The following LHX5 variants were observed in gnomAD, a reference collection of about 807,000 sequenced individuals.
LHX5 encodes the protein LIM/homeobox protein Lhx5.
A neutral mutation model predicts 30.6 loss-of-function variants in LHX5; 5 were observed. The observed-to-expected ratio is 0.16, with a 90% CI of 0.09 to 0.34. The LOEUF is 0.34. Ranked by LOEUF, LHX5 falls within the 10% of genes least tolerant of loss-of-function variation. LHX5 has a pLI of 1.00. For missense variants in LHX5, 458 were observed against 570.6 expected, an observed-to-expected ratio of 0.80 and a Z score of 2.01; for synonymous variants, 266 against 252.6, an observed-to-expected ratio of 1.05 and a Z score of -0.50.
In LHX5 at chr12:113,464,864, T is replaced by C. The variant is rs1958202885; in HGVS notation, c.842-1307A>G. ...CCTCAACAAATCTGTATCAACTCTC[T>C]GACCGCCCCACATAGCCCCTTTTCC... On this transcript the variant is annotated intron_variant, in intron 4 of 4. Coordinates refer to ENST00000261731, the MANE Select transcript of LHX5 (RefSeq NM_022363.3). This position sits in a 1 kb window ranked among gnomAD's most constrained non-coding sequence, Gnocchi z 6.2. Among the ~76,000 whole-genome samples, 1 of 152,160 alleles carries C rather than the reference T, an allele frequency of 6.6e-6. No individual in the cohort carries two copies. Among genetic ancestry groups the C allele is most frequent in the African/African-American group, 2.4e-5 (1 of 41,438 alleles).
At position 113,463,165 on chromosome 12, in the gene LHX5, G is replaced by T; in HGVS notation, c.*25C>A. 6.8e-7 allele frequency: 1 copy of T among 1,478,082 alleles called. No homozygotes were observed. 91.6% of individuals were successfully genotyped at this position (1,478,082 alleles called of 1,614,324 possible). A position where few individuals can be genotyped will look rare whatever the true frequency, so the allele number is the denominator to read the frequency against. On this transcript the variant is annotated 3_prime_UTR_variant, in exon 5 of 5. Coordinates refer to ENST00000261731, the MANE Select transcript of LHX5 (RefSeq NM_022363.3). The surrounding 1 kb of genome is among the most constrained non-coding windows in gnomAD (Gnocchi z 6.7). ...CTTCGGGGCGGGGCCCCCGGGGGCC[G>T]AGCGCGGGGGGCGGCCCGGCGGCCT...
rs544454889 is a variant in LHX5 at position 113,467,199 on chromosome 12, C to T, written c.841+57G>A. ...AAAGCGTGCTGGCCGGGACCCTTCG[C>T]CCTCAGCTCCCGGAATAGGACAGGT... On this transcript the variant is annotated intron_variant, in intron 4 of 4. Transcript: ENST00000261731. The surrounding 1 kb of genome is among the most constrained non-coding windows in gnomAD (Gnocchi z 6.3). 41 of 1,378,874 alleles carry T rather than the reference C, an allele frequency of 3.0e-5. No individual in the cohort carries two copies. In the South Asian group the frequency reaches 3.4e-4, roughly 11 times the overall value. 85.4% of individuals were successfully genotyped at this position (1,378,874 alleles called of 1,614,324 possible).
In LHX5 at chr12:113,467,202, T is replaced by G. The variant is rs910778312; in HGVS notation, c.841+54A>C. 7.2e-6 allele frequency: 10 copies of G among 1,382,346 alleles called. No individual in the cohort carries two copies. In the African/African-American group the frequency reaches 1.5e-4, roughly 20 times the overall value. The allele number at this position is 1,382,346 out of a possible 1,614,324, so 85.6% of individuals were successfully genotyped here. A position where few individuals can be genotyped will look rare whatever the true frequency, so the allele number is the denominator to read the frequency against. The stretch of plus-strand genomic sequence containing the variant: ...GCGTGCTGGCCGGGACCCTTCGCCC[T>G]CAGCTCCCGGAATAGGACAGGTGCG... On this transcript the variant is annotated intron_variant, in intron 4 of 4. Transcript: ENST00000261731. This position sits in a 1 kb window ranked among gnomAD's most constrained non-coding sequence, Gnocchi z 6.3.
In LHX5 at chr12:113,468,413, G is replaced by A. The variant is rs755915910; in HGVS notation, c.398-9C>T. On this transcript the variant is annotated splice_polypyrimidine_tract_variant and intron_variant, in intron 2 of 4. Transcript: ENST00000261731. ...GTCCGTACAGGATGACACTGCGGGC[G>A]GACGGATCGGGAAGGGGACAGCGGC... is the stretch of plus-strand genomic sequence containing the variant. The A allele has an allele frequency of 6.2e-7, 1 of 1,601,706 alleles. No homozygotes were observed. The highest frequency in any genetic ancestry group is 8.5e-7 in the Non-Finnish European group (1 of 1,171,110).
chr12:113,462,254 C>T lies in LHX5; in HGVS notation c.*936G>A, dbSNP rs116588605. The T allele has an allele frequency of 6.6e-5, 10 of 152,160 alleles. No individual in the cohort carries two copies. The highest frequency in any genetic ancestry group is 2.4e-4 in the African/African-American group (10 of 41,512). 9.4% of individuals were successfully genotyped at this position (152,160 alleles called of 1,614,324 possible). On this transcript the variant is annotated 3_prime_UTR_variant, in exon 5 of 5. Coordinates refer to ENST00000261731, the MANE Select transcript of LHX5 (RefSeq NM_022363.3). The stretch of plus-strand genomic sequence containing the variant: ...ATACTTTATTTGTTTCTTCTTTATA[C>T]AAAATAAGGAAACTAGAAGCGTTCA...
rs1252041967 is a variant in LHX5 at position 113,466,757 on chromosome 12, C to A, written c.841+499G>T. Among the ~76,000 whole-genome samples, 1 of 152,156 alleles carries A rather than the reference C, an allele frequency of 6.6e-6. No homozygotes were observed. The highest frequency in any genetic ancestry group is 1.5e-5 in the Non-Finnish European group (1 of 68,034). On this transcript the variant is annotated intron_variant, in intron 4 of 4. Transcript: ENST00000261731. This position sits in a 1 kb window ranked among gnomAD's most constrained non-coding sequence, Gnocchi z 6.5. ...TCCCCTCACACTACCCTCCAGCGCT[C>A]GGAATCCACCTCATGCCAAGTACAC...
chr12:113,464,181 G>A lies in LHX5; in HGVS notation c.842-624C>T, dbSNP rs528039467. ...GAAACCCCCGGGGGCGGCAGCGAGG[G>A]AGTCAGGAGTGAGCCCGAAGATGGA... On this transcript the variant is annotated intron_variant, in intron 4 of 4. Transcript: ENST00000261731. This position sits in a 1 kb window ranked among gnomAD's most constrained non-coding sequence, Gnocchi z 6.2. 1.3e-5 allele frequency among the ~76,000 whole-genome samples: 2 copies of A among 152,344 alleles called. No homozygotes were observed. Among genetic ancestry groups the A allele is most frequent in the South Asian group, 4.1e-4 (2 of 4,820 alleles).
chr12:113,471,283 C>T lies in LHX5; in HGVS notation c.173+43G>A, dbSNP rs1400179044. ...TTCCCCAGCGCCCCAGTGGAGCGCG[C>T]GCAGGGTGGGCGCGCAGGCAGCAGA... On this transcript the variant is annotated intron_variant, in intron 1 of 4. Coordinates refer to ENST00000261731, the MANE Select transcript of LHX5 (RefSeq NM_022363.3). The T allele has an allele frequency of 4.4e-6, 7 of 1,604,286 alleles. No individual in the cohort carries two copies. The South Asian group carries it at 4.5e-5, about 10-fold the overall frequency.
In LHX5 at chr12:113,469,170, C is replaced by A; in HGVS notation, c.349G>T (p.Asp117Tyr). 1.2e-6 allele frequency: 2 copies of A among 1,614,220 alleles called. No individual in the cohort carries two copies. The highest frequency in any genetic ancestry group is 1.7e-6 in the Non-Finnish European group (2 of 1,180,030). Residue 117 changes from aspartate (D) to tyrosine (Y), a missense_variant, in exon 2 of 5, where the codon GAC becomes TAC. Asp to Tyr is a radical substitution (Grantham distance 160, BLOSUM62 -3). Coordinates refer to ENST00000261731, the MANE Select transcript of LHX5 (RefSeq NM_022363.3). ...AGGCTGGATGAGCTCAGGTAGTCGT[C>A]TTTGCACACGAACTTGTTCTCGTCG... is the stretch of plus-strand genomic sequence containing the variant. The part of the protein sequence containing the change: ...VIDENKFVCK[D>Y]DYLSSSSLKE...
In LHX5 at chr12:113,471,508, C is replaced by T. The variant is rs759571284; in HGVS notation, c.-10G>A. On this transcript the variant is annotated 5_prime_UTR_variant, in exon 1 of 5. Transcript: ENST00000261731. ...CGCAGTGCACCATCATAGCCCCGCG[C>T]CCCGGCGGCTTCGGCCGCCTTGCCC... 26 of 1,581,636 alleles carry T rather than the reference C, an allele frequency of 1.6e-5. No individual in the cohort carries two copies. Among genetic ancestry groups the T allele is most frequent in the Non-Finnish European group, 2.2e-5 (26 of 1,163,846 alleles).
intron 2 of LHX5, among the ~76,000 whole-genome samples, 174 bp downstream of exon 2, chr12:113,468,948 A>G (rs1958230236): frequency 6.6e-6 from 1 of 152,210 alleles, no homozygotes; most frequent in African/African-American, 2.4e-5. Context: ...CCTGCTCCAA[A>G]GCCACTTCTC....
rs1958208269 is a variant in LHX5, at chr12:113,465,484, C to T, written c.841+1772G>A. 6.6e-6 allele frequency among the ~76,000 whole-genome samples: 1 copy of T among 152,244 alleles called. No homozygotes were observed. The highest frequency in any genetic ancestry group is 6.5e-5 in the Admixed American group (1 of 15,292). Reference sequence around the variant, plus strand: ...GAGCCGCCGGCCCCGCCGCCCGGCCCCTTTCTCGCCCGCTGCCGGTCGCCA... The same window carrying T: ...GAGCCGCCGGCCCCGCCGCCCGGCCTCTTTCTCGCCCGCTGCCGGTCGCCA... On this transcript the variant is annotated intron_variant, in intron 4 of 4. Transcript: ENST00000261731. This position sits in a 1 kb window ranked among gnomAD's most constrained non-coding sequence, Gnocchi z 6.7.
chr12:113,463,326 G>A lies in LHX5; in HGVS notation c.1073C>T (p.Pro358Leu). The change falls in exon 5 of 5, where the codon CCG (proline) becomes CTG (leucine). Residue 358 changes from proline to leucine, a missense_variant. Pro to Leu is a moderately conservative substitution (Grantham distance 98, BLOSUM62 -3). Coordinates refer to ENST00000261731, the MANE Select transcript of LHX5 (RefSeq NM_022363.3). This position sits in a 1 kb window ranked among gnomAD's most constrained non-coding sequence, Gnocchi z 6.7. ...GCCGGGCATGGGGTGCAGCGTGCCC[G>A]GCAGGCCTGGCTCGGGGCTCGGTGT... The part of the protein sequence containing the change: ...PDTPSPEPGL[P>L]GTLHPMPGEV... 2.6e-6 allele frequency: 4 copies of A among 1,538,722 alleles called. No individual in the cohort carries two copies. The highest frequency in any genetic ancestry group is 2.0e-5 in the Admixed American group (1 of 49,802).
Position 113,467,999 on chromosome 12 carries a change from G to A in LHX5, c.675+128C>T. On this transcript the variant is annotated intron_variant, in intron 3 of 4. Coordinates refer to ENST00000261731, the MANE Select transcript of LHX5 (RefSeq NM_022363.3). This position sits in a 1 kb window ranked among gnomAD's most constrained non-coding sequence, Gnocchi z 6.3. ...GACCTCGGGCAAGTGCCCCACTCGGGCGCACGGTCTGCTCCCAGACCAGAA... is the reference window on the plus strand; with the variant it reads ...GACCTCGGGCAAGTGCCCCACTCGGACGCACGGTCTGCTCCCAGACCAGAA... 7.6e-7 allele frequency: 1 copy of A among 1,313,696 alleles called. No individual in the cohort carries two copies. Among genetic ancestry groups the A allele is most frequent in the Non-Finnish European group, 1.0e-6 (1 of 990,108 alleles). The allele number at this position is 1,313,696 out of a possible 1,614,324, so 81.4% of individuals were successfully genotyped here.
In LHX5 at chr12:113,463,319, C is replaced by G; in HGVS notation, c.1080G>C (p.Thr360=). 6.5e-7 allele frequency: 1 copy of G among 1,536,980 alleles called. No individual in the cohort carries two copies. Among genetic ancestry groups the G allele is most frequent in the Non-Finnish European group, 8.7e-7 (1 of 1,143,152 alleles). The change falls in exon 5 of 5, where the codon ACG becomes ACC. Residue 360 remains threonine, a synonymous_variant. Coordinates refer to ENST00000261731, the MANE Select transcript of LHX5 (RefSeq NM_022363.3). This position sits in a 1 kb window ranked among gnomAD's most constrained non-coding sequence, Gnocchi z 6.7. ...ATACCTCGCCGGGCATGGGGTGCAG[C>G]GTGCCCGGCAGGCCTGGCTCGGGGC... is the stretch of plus-strand genomic sequence containing the variant. ...TPSPEPGLPG[T]LHPMPGEVFS...
Position 113,469,275 on chromosome 12 carries a change from T to C in LHX5, c.244A>G (p.Ser82Gly). The change falls in exon 2 of 5, where the codon AGC (serine) becomes GGC (glycine). Residue 82 changes from serine to glycine, a missense_variant. Ser to Gly is a moderately conservative substitution (Grantham distance 56). This residue lies in a region of LHX5 where 178 missense variants were observed against 238.5 expected (regional missense o/e 0.75). Coordinates refer to ENST00000261731, the MANE Select transcript of LHX5 (RefSeq NM_022363.3). ...SPSDLVRKARSKVFHLNCFTC... is the reference protein window; with the variant it reads ...SPSDLVRKARGKVFHLNCFTC... Reference sequence around the variant, plus strand: ...AAACAGTTGAGGTGAAAGACTTTGCTCCGGGCCTTGCGCACCAGGTCGCTG... The same window carrying C: ...AAACAGTTGAGGTGAAAGACTTTGCCCCGGGCCTTGCGCACCAGGTCGCTG... 6.2e-7 allele frequency: 1 copy of C among 1,614,228 alleles called. No homozygotes were observed. Among genetic ancestry groups the C allele is most frequent in the African/African-American group, 1.3e-5 (1 of 75,066 alleles).
rs1196882541 is a variant in LHX5 at position 113,471,500 on chromosome 12, G to T, written c.-2C>A. On this transcript the variant is annotated 5_prime_UTR_variant, in exon 1 of 5. Coordinates refer to ENST00000261731, the MANE Select transcript of LHX5 (RefSeq NM_022363.3). ...GCAACCGGCGCAGTGCACCATCATA[G>T]CCCCGCGCCCCGGCGGCTTCGGCCG... The T allele has an allele frequency of 6.3e-7, 1 of 1,586,830 alleles. No individual in the cohort carries two copies. Among genetic ancestry groups the T allele is most frequent in the Non-Finnish European group, 8.6e-7 (1 of 1,166,662 alleles).
chr12:113,471,688 G>C lies in LHX5; in HGVS notation c.-190C>G. The C allele has an allele frequency of 1.8e-6, 1 of 563,910 alleles. No homozygotes were observed. The highest frequency in any genetic ancestry group is 2.5e-5 in the South Asian group (1 of 39,386). 34.9% of individuals were successfully genotyped at this position (563,910 alleles called of 1,614,324 possible). A position where few individuals can be genotyped will look rare whatever the true frequency, so the allele number is the denominator to read the frequency against. On this transcript the variant is annotated 5_prime_UTR_variant, in exon 1 of 5. Coordinates refer to ENST00000261731, the MANE Select transcript of LHX5 (RefSeq NM_022363.3). Reference sequence around the variant, plus strand: ...CTGGCGCTGGGCTGCCCGGAGTGGGGTGGTGGGGGGCGGGTGGCGTTCACA... The same window carrying C: ...CTGGCGCTGGGCTGCCCGGAGTGGGCTGGTGGGGGGCGGGTGGCGTTCACA...
chr12:113,464,097 G>A lies in LHX5; in HGVS notation c.842-540C>T, dbSNP rs530725416. On this transcript the variant is annotated intron_variant, in intron 4 of 4. Coordinates refer to ENST00000261731, the MANE Select transcript of LHX5 (RefSeq NM_022363.3). The surrounding 1 kb of genome is among the most constrained non-coding windows in gnomAD (Gnocchi z 6.2). Reference sequence around the variant, plus strand: ...CGAAAGCCCGAGACATCGGAGGGTCGCGGAGGAGTCGAGGAGACGCAGAGA... The same window carrying A: ...CGAAAGCCCGAGACATCGGAGGGTCACGGAGGAGTCGAGGAGACGCAGAGA... 1.2e-4 allele frequency among the ~76,000 whole-genome samples: 18 copies of A among 152,330 alleles called. No individual in the cohort carries two copies. The East Asian group carries it at 1.5e-3, about 13-fold the overall frequency.
Sources: gnomAD v4.1 joint callset for allele counts (sites outside exome capture counted in the v4.1 genomes callset) on GRCh38, gnomAD v4.1.1 for gene constraint, gnomAD v4.1.1 regional missense constraint, Gnocchi (gnomAD v3.1) non-coding constraint, MANE v1.5 for transcripts, NCBI Gene and HGNC (gene_info 2026-07-23, HGNC 2026-07-21) for gene names.